Variants in NKAIN2 observed in about 807,000 individuals in gnomAD.
NKAIN2 encodes the protein sodium/potassium-transporting ATPase subunit beta-1-interacting protein 2.
A neutral mutation model predicts 32.6 loss-of-function variants in NKAIN2; 14 were observed. That is an observed-to-expected ratio of 0.43 (90% CI 0.28 to 0.67). The LOEUF (loss-of-function observed/expected upper bound fraction) is 0.67. Among genes scored for constraint, NKAIN2 ranks in the 30% least tolerant of loss-of-function variants. The probability of loss-of-function intolerance (pLI) is 0.17; values close to 1 mark genes in which losing one functional copy is unlikely to be tolerated. For synonymous variants in NKAIN2, 80 were observed against 87.2 expected (o/e 0.92, Z 0.46); for missense variants, 198 against 258.3 (o/e 0.77, Z 1.60).
intron 1 of NKAIN2, among the ~76,000 whole-genome samples, chr6:123,811,530 G>T (rs981437228): frequency 4.6e-5 from 7 of 151,866 alleles, no homozygotes; most frequent in African/African-American, 1.7e-4. Flanking sequence ...TAGTGCTTCT[G>T]TATTGGGTGA....
At chr6:124,406,091 A>G (rs765594966) in intron 3 of NKAIN2, among the ~76,000 whole-genome samples, 24 of 151,520 alleles carry the variant, frequency 1.6e-4, no homozygotes, top group Admixed American at 1.1e-3. Context: ...TTAACATACA[A>G]TAAACTGTAC....
chr6:123,831,920 C>T (rs928993815), intron 1 of NKAIN2, among the ~76,000 whole-genome samples: 3 of 152,164 alleles, frequency 2.0e-5, no homozygotes, highest in Admixed American at 6.5e-5. Context: ...TTGCAAAGTG[C>T]TGGGATTACA....
chr6:124,300,649 C>T (rs1796254998), intron 2 of NKAIN2, among the ~76,000 whole-genome samples: 1 of 152,142 alleles, frequency 6.6e-6, no homozygotes, highest in Admixed American at 6.5e-5. Flanking sequence ...GATCAAAGTA[C>T]TGACAGTTTT....
intron 1 of NKAIN2, among the ~76,000 whole-genome samples, chr6:123,852,068 A>G (rs1775371311): frequency 6.6e-6 from 1 of 152,194 alleles, no homozygotes; most frequent in African/African-American, 2.4e-5. Flanking sequence ...GTTTTCTTCC[A>G]GAAGTTTTAG....
chr6:124,329,191 A>G (rs890779182), intron 2 of NKAIN2, among the ~76,000 whole-genome samples: 2 of 151,346 alleles, frequency 1.3e-5, no homozygotes, highest in African/African-American at 2.5e-5. Flanking sequence ...CAAGGGGTCT[A>G]TGCCACTGTT....
At chr6:124,579,559 G>T (rs1438085755) in intron 3 of NKAIN2, among the ~76,000 whole-genome samples, 1 of 152,068 alleles carries the variant, frequency 6.6e-6, no homozygotes, top group Non-Finnish European at 1.5e-5. Flanking sequence ...GCAGACAAAA[G>T]AATTAAGCCC....
chr6:124,678,985 T>C (rs1188578648), intron 4 of NKAIN2, among the ~76,000 whole-genome samples: 1 of 152,124 alleles, frequency 6.6e-6, no homozygotes, highest in Non-Finnish European at 1.5e-5. Flanking sequence ...GTTTGTGTTC[T>C]TTCACTCCCT....
chr6:123,928,409 G>A (rs1776106204), intron 1 of NKAIN2, among the ~76,000 whole-genome samples: 3 of 152,082 alleles, frequency 2.0e-5, no homozygotes, highest in Admixed American at 6.6e-5. Flanking sequence ...TAAAATAAAA[G>A]TTGAAAATTT....
intron 1 of NKAIN2, among the ~76,000 whole-genome samples, chr6:124,232,812 TACTC>T (rs1352800268): frequency 6.6e-6 from 1 of 152,182 alleles, no homozygotes; most frequent in Admixed American, 6.6e-5. Context: ...TATATTCTGT[TACTC>T]ACAGTGCTTG....
At chr6:124,518,156 A>G (rs1039558433) in intron 3 of NKAIN2, among the ~76,000 whole-genome samples, 4 of 152,066 alleles carry the variant, frequency 2.6e-5, no homozygotes, top group Admixed American at 2.0e-4. Flanking sequence ...CATTACATTC[A>G]TTACACTATC....
At chr6:124,014,319 A>T (rs985788230) in intron 1 of NKAIN2, among the ~76,000 whole-genome samples, 1 of 152,308 alleles carries the variant, frequency 6.6e-6, no homozygotes, top group East Asian at 1.9e-4. Flanking sequence ...TTTTAACAAA[A>T]CAAAAATAAC....
intron 1 of NKAIN2, among the ~76,000 whole-genome samples, chr6:124,002,393 C>G (rs1779915348): frequency 6.6e-6 from 1 of 151,992 alleles, no homozygotes; most frequent in African/African-American, 2.4e-5. Context: ...GAGGAAATTA[C>G]AAAGAACTAA....
At chr6:124,294,068 A>G (rs1195925787) in intron 2 of NKAIN2, among the ~76,000 whole-genome samples, 2 of 152,102 alleles carry the variant, frequency 1.3e-5, no homozygotes, top group Non-Finnish European at 2.9e-5. Context: ...ATTTTAAAAA[A>G]TGTTTATTTT....
intron 3 of NKAIN2, among the ~76,000 whole-genome samples, chr6:124,565,548 TCTC>T (rs1780878269): frequency 6.6e-6 from 1 of 152,180 alleles, no homozygotes; most frequent in Non-Finnish European, 1.5e-5. Context: ...AGAGACGTAA[TCTC>T]CTCCTTTTGG....
intron 4 of NKAIN2, among the ~76,000 whole-genome samples, chr6:124,699,008 A>G (rs1399647655): frequency 6.6e-6 from 1 of 152,208 alleles, no homozygotes; most frequent in Non-Finnish European, 1.5e-5. Context: ...CAAATTATTT[A>G]ACCTTTTGGT....
intron 1 of NKAIN2, among the ~76,000 whole-genome samples, chr6:124,274,176 A>G (rs1432087414): frequency 6.6e-6 from 1 of 152,182 alleles, no homozygotes; most frequent in African/African-American, 2.4e-5. Flanking sequence ...TATTCTATTA[A>G]CTGCATTGAT....
intron 1 of NKAIN2, among the ~76,000 whole-genome samples, chr6:123,925,253 C>G (rs1481410987): frequency 1.3e-5 from 2 of 152,032 alleles, no homozygotes; most frequent in Non-Finnish European, 2.9e-5. Context: ...ATACCCAATG[C>G]TAAGTTTGAA....
intron 4 of NKAIN2, among the ~76,000 whole-genome samples, chr6:124,686,437 G>A (rs1344203384): frequency 3.3e-5 from 5 of 152,086 alleles, no homozygotes; most frequent in South Asian, 4.2e-4. Context: ...GCAAACACCC[G>A]ACATGACCAG....
intron 2 of NKAIN2, among the ~76,000 whole-genome samples, chr6:124,318,542 C>T (rs1461949073): frequency 1.3e-5 from 2 of 151,602 alleles, no homozygotes; most frequent in Admixed American, 6.6e-5. Context: ...ATTATGTATC[C>T]CTCTTCTATC....
Sources: gnomAD v4.1 joint callset for allele counts (sites outside exome capture counted in the v4.1 genomes callset) on GRCh38, gnomAD v4.1.1 for gene constraint, MANE v1.5 for transcripts, NCBI Gene and HGNC (gene_info 2026-07-23, HGNC 2026-07-21) for gene names.